The following TSEN15 variants were observed in gnomAD, a reference collection of about 807,000 sequenced individuals.
TSEN15 encodes tRNA-splicing endonuclease subunit Sen15.
TSEN15 carries 10 observed loss-of-function variants against 20.5 expected under a neutral mutation model. That is an observed-to-expected ratio of 0.49 (90% CI 0.30 to 0.83). The LOEUF is 0.83. Among genes scored for constraint, TSEN15 ranks in the 40% least tolerant of loss-of-function variants. TSEN15 has a pLI of 0.06. For missense variants in TSEN15, 180 were observed against 218.6 expected (o/e 0.82, Z 1.11); for synonymous variants, 72 against 80.1 (o/e 0.90, Z 0.54).
intron 3 of TSEN15, among the ~76,000 whole-genome samples, chr1:184,063,711 T>G (rs1323867567): frequency 6.6e-6 from 1 of 152,178 alleles, no homozygotes; most frequent in Non-Finnish European, 1.5e-5. Context: ...AAAGAACATT[T>G]TATTAGCTGT....
chr1:184,053,326 A>G (rs1371217885), intron 1 of TSEN15, among the ~76,000 whole-genome samples: 1 of 152,170 alleles, frequency 6.6e-6, no homozygotes, highest in Non-Finnish European at 1.5e-5. Flanking sequence ...ATGGTACCAG[A>G]TTTATTATCC....
chr1:184,054,456 G>T lies in TSEN15; in HGVS notation c.217+21G>T, dbSNP rs781050750. ...GGAAAGTAAGTTGTTTGTTTATATT[G>T]TTTTGTTATTGGGACTGTGGTAGAG... is the stretch of plus-strand genomic sequence containing the variant. On this transcript the variant is annotated intron_variant, in intron 2 of 4. Transcript: ENST00000645668. The T allele has an allele frequency of 1.1e-5, 17 of 1,568,954 alleles. No homozygotes were observed. In the Admixed American group the frequency reaches 1.3e-4, roughly 12 times the overall value.
chr1:184,086,254 G>C lies in TSEN15; in HGVS notation c.354-9436G>C, dbSNP rs887389505. On this transcript the variant is annotated intron_variant, in intron 3 of 3. Coordinates refer to the TSEN15 transcript ENST00000643231. Reference sequence around the variant, plus strand: ...AAAATGTTATGGACACATGGGAATTGGTTGGGGTTTCTGATGAAAGGCTTC... The same window carrying C: ...AAAATGTTATGGACACATGGGAATTCGTTGGGGTTTCTGATGAAAGGCTTC... Among the ~76,000 whole-genome samples the C allele has an allele frequency of 2.6e-5, 4 of 152,288 alleles. No homozygotes were observed. The East Asian group carries it at 5.8e-4, about 22-fold the overall frequency.
chr1:184,075,304 C>T (rs1478558149), downstream of TSEN15, among the ~76,000 whole-genome samples: 1 of 152,038 alleles, frequency 6.6e-6, no homozygotes, highest in Non-Finnish European at 1.5e-5. Context: ...AATAATGGCC[C>T]AGAACTTTTT....
At chr1:184,084,514 T>C (rs1651226912) in intron 3 of TSEN15, among the ~76,000 whole-genome samples, 1 of 151,746 alleles carries the variant, frequency 6.6e-6, no homozygotes, top group Non-Finnish European at 1.5e-5. Flanking sequence ...CTTAAAACCA[T>C]CACAGGTGGG....
At chr1:184,093,856 G>A (rs558690880) in intron 3 of TSEN15, 53 of 152,238 alleles carry the variant, frequency 3.5e-4, no homozygotes, top group African/African-American at 1.2e-3. Context: ...CTTGATCTGC[G>A]ACTTCAAATT....
chr1:184,052,088 C>T lies in TSEN15; in HGVS notation c.135+198C>T, dbSNP rs765198328. Reference sequence around the variant, plus strand: ...TTTAAACAAGTTGCACTATCTCAATCCCCCAGCCAAAGCCATTTTGGAACT... The same window carrying T: ...TTTAAACAAGTTGCACTATCTCAATTCCCCAGCCAAAGCCATTTTGGAACT... On this transcript the variant is annotated intron_variant, in intron 1 of 4. Transcript: ENST00000645668. 2.6e-4 allele frequency among the ~76,000 whole-genome samples: 39 copies of T among 152,298 alleles called. 1 individual carries two copies. The highest frequency in any genetic ancestry group is 3.9e-4 in the Admixed American group (6 of 15,306).
intron 3 of TSEN15, among the ~76,000 whole-genome samples, chr1:184,067,941 A>AAAAAATATAT (rs1400681024): frequency 5.2e-5 from 5 of 95,570 alleles, no homozygotes; most frequent in Admixed American, 1.4e-4. Context: ...AAAAAAAAAA[A>AAAAAATATAT]ATATATATAT....
chr1:184,072,791 C>T (rs755538706), intron 4 of TSEN15, 36 bp from the exon 5 acceptor site: 42 of 1,582,082 alleles, frequency 2.7e-5, no homozygotes, highest in African/African-American at 4.1e-5. Flanking sequence ...CATTGTTTAT[C>T]GGAGAAAAGT....
chr1:184,067,924 C>CAAAAAAA (rs71130650), intron 3 of TSEN15, among the ~76,000 whole-genome samples: 1 of 54,848 alleles, frequency 1.8e-5, no homozygotes, highest in African/African-American at 9.3e-5. Flanking sequence ...CTCTCTCTCT[C>CAAAAAAA]AAAAAAAAAA....
intron 3 of TSEN15, among the ~76,000 whole-genome samples, chr1:184,067,941 A>ATATATATAT (rs1553220588): frequency 1.0e-5 from 1 of 95,602 alleles, no homozygotes; most frequent in African/African-American, 4.2e-5. Flanking sequence ...AAAAAAAAAA[A>ATATATATAT]ATATATATAT....
At chr1:184,056,295 T>C (rs568424345) in intron 3 of TSEN15, among the ~76,000 whole-genome samples, 16 of 152,272 alleles carry the variant, frequency 1.1e-4, no homozygotes, top group African/African-American at 3.4e-4. Context: ...ATTATTCTTA[T>C]TTTGGTCTTA....
intron 3 of TSEN15, among the ~76,000 whole-genome samples, chr1:184,055,317 C>A (rs1329729022): frequency 1.3e-5 from 2 of 152,160 alleles, no homozygotes; most frequent in East Asian, 3.8e-4. Context: ...AGCACTCAGC[C>A]ATGAAGGATT....
chr1:184,059,106 T>C (rs1327998155), intron 3 of TSEN15, among the ~76,000 whole-genome samples: 1 of 151,998 alleles, frequency 6.6e-6, no homozygotes, highest in Non-Finnish European at 1.5e-5. Context: ...GATATTTAAT[T>C]GAATGTGTGA....
intron 1 of TSEN15, among the ~76,000 whole-genome samples, chr1:184,053,650 TCTC>T (rs1206503334): frequency 6.6e-6 from 1 of 152,128 alleles, no homozygotes; most frequent in African/African-American, 2.4e-5. Context: ...GCCTCAGAAT[TCTC>T]CTGCAGGTGT....
chr1:184,082,764 C>G (rs1377120136), intron 3 of TSEN15, among the ~76,000 whole-genome samples: 1 of 152,036 alleles, frequency 6.6e-6, no homozygotes, highest in South Asian at 2.1e-4. Flanking sequence ...ATTTCCAGAT[C>G]AATTTTCCTT....
chr1:184,074,455 T>C (rs150979661), downstream of TSEN15, among the ~76,000 whole-genome samples: 470 of 152,290 alleles, frequency 3.1e-3, 2 homozygotes, highest in African/African-American at 7.4e-3. Context: ...GCCTTCAATT[T>C]CTTGAGAGTG....
chr1:184,060,115 T>C (rs748827597), intron 3 of TSEN15, among the ~76,000 whole-genome samples: 4 of 152,244 alleles, frequency 2.6e-5, no homozygotes, highest in African/African-American at 4.8e-5. Flanking sequence ...AATATGTTTG[T>C]AAATGAAGGA....
rs1485187120 is a variant in TSEN15, at chr1:184,060,652, AGTG to A, written c.353+5792_353+5794del. ...TCATTAAATCAGCACCAAAATCCCTAGTGGTATACGGGGTGTTTGTTTTATCCT... is the reference window on the plus strand; with the variant it reads ...TCATTAAATCAGCACCAAAATCCCTAGTATACGGGGTGTTTGTTTTATCCT... On this transcript the variant is annotated intron_variant, in intron 3 of 4. Coordinates refer to ENST00000645668, the MANE Select transcript of TSEN15 (RefSeq NM_052965.4). 3.9e-5 allele frequency among the ~76,000 whole-genome samples: 6 copies of A among 152,336 alleles called. No homozygotes were observed. The East Asian group carries it at 1.2e-3, about 29-fold the overall frequency.
Sources: allele counts gnomAD v4.1 joint callset (sites outside exome capture counted in the v4.1 genomes callset), GRCh38; gene constraint gnomAD v4.1.1; transcripts MANE v1.5; gene names NCBI Gene and HGNC (gene_info 2026-07-23, HGNC 2026-07-21).